CCDC40: variants seen among roughly 807,000 people sequenced by gnomAD.
CCDC40 encodes the protein coiled-coil domain 40 molecular ruler complex subunit, also known as coiled-coil domain-containing protein 40.
In CCDC40, 104 loss-of-function variants were observed where a neutral mutation model predicts 124.5. The observed-to-expected ratio is 0.84, with a 90% CI of 0.71 to 0.98. The LOEUF is 0.98. CCDC40 is among the 50% of genes least tolerant of loss of function. The pLI, the probability that CCDC40 is intolerant of heterozygous loss-of-function variation, is 0.00. For synonymous variants in CCDC40, 580 were observed against 602.9 expected, an observed-to-expected ratio of 0.96 and a Z score of 0.56; for missense variants, 1,463 against 1,503.9, an observed-to-expected ratio of 0.97 and a Z score of 0.45.
At position 80,099,982 on chromosome 17, in the gene CCDC40, C is replaced by T. The variant is rs1323278307; in HGVS notation, c.*207C>T. On this transcript the variant is annotated 3_prime_UTR_variant, in exon 20 of 20. Transcript: ENST00000397545. ...AACCAGGTAAAATCCTAGCGTTTCCCATGGCATCCCATCGCAAAGACAGAG... is the reference window on the plus strand; with the variant it reads ...AACCAGGTAAAATCCTAGCGTTTCCTATGGCATCCCATCGCAAAGACAGAG... 3 of 602,728 alleles carry T rather than the reference C, an allele frequency of 5.0e-6. No individual in the cohort carries two copies. The Admixed American group carries it at 8.7e-5, about 17-fold the overall frequency. The allele number at this position is 602,728 out of a possible 1,614,324, so 37.3% of individuals were successfully genotyped here. A position where few individuals can be genotyped will look rare whatever the true frequency, so the allele number is the denominator to read the frequency against.
At chr17:80,053,096 A>T (rs9944501) in intron 7 of CCDC40, among the ~76,000 whole-genome samples, 63,909 of 152,064 alleles carry the variant, frequency 0.42, 16,328 homozygotes, top group African/African-American at 0.73. Context: ...TCAGTGTCCG[A>T]AAGGGAGATT....
chr17:80,044,195 C>A (rs1270409472), intron 3 of CCDC40, among the ~76,000 whole-genome samples: 1 of 152,140 alleles, frequency 6.6e-6, no homozygotes, highest in Non-Finnish European at 1.5e-5. Context: ...CAAACGGTAG[C>A]TCTTGCTTCA....
intron 7 of CCDC40, among the ~76,000 whole-genome samples, chr17:80,057,989 A>G (rs2037795280): frequency 6.6e-6 from 1 of 152,092 alleles, no homozygotes; most frequent in East Asian, 1.9e-4. Context: ...TTGGGACAGG[A>G]TGGAAGCTGC....
intron 18 of CCDC40, among the ~76,000 whole-genome samples, chr17:80,095,911 CG>C (rs2038802669): frequency 6.6e-6 from 1 of 152,206 alleles, no homozygotes; most frequent in Non-Finnish European, 1.5e-5. Context: ...CTGATGGGAG[CG>C]GGGTGGGCGC....
rs529185928 is a variant in CCDC40 at position 80,092,622 on chromosome 17, T to A, written c.2833-2641T>A. Among the ~76,000 whole-genome samples, 3 of 152,258 alleles carry A rather than the reference T, an allele frequency of 2.0e-5. No homozygotes were observed. In the South Asian group the frequency reaches 6.2e-4, roughly 32 times the overall value. On this transcript the variant is annotated intron_variant, in intron 17 of 19. Transcript: ENST00000397545. ...AGCCCAATTACCCAGTCTGTTCTCTTTTTTTAGAGACAGGGTTTCGCTCTG... is the reference window on the plus strand; with the variant it reads ...AGCCCAATTACCCAGTCTGTTCTCTATTTTTAGAGACAGGGTTTCGCTCTG...
In CCDC40 at chr17:80,040,212, T is replaced by A. The variant is rs1329504741; in HGVS notation, c.494T>A (p.Val165Asp). 5.0e-6 allele frequency: 8 copies of A among 1,613,690 alleles called. No homozygotes were observed. Among genetic ancestry groups the A allele is most frequent in the Non-Finnish European group, 5.9e-6 (7 of 1,179,924 alleles). Residue 165 changes from valine (V) to aspartate (D), a missense_variant, in exon 3 of 20, where the codon GTC becomes GAC. By Grantham distance (152) the Val-to-Asp change is radical (BLOSUM62 -3). Coordinates refer to ENST00000397545, the MANE Select transcript of CCDC40 (RefSeq NM_017950.4). ...ACCTCCCCAGAGCCATCCCACGGAGTCTTAGGCCCGTCGGAGCAAATGGGC... is the reference window on the plus strand; with the variant it reads ...ACCTCCCCAGAGCCATCCCACGGAGACTTAGGCCCGTCGGAGCAAATGGGC... ...RVTSPEPSHG[V>D]LGPSEQMGQV...
At chr17:80,067,653 G>A in intron 10 of CCDC40, 1 of 1,536,108 alleles carries the variant, frequency 6.5e-7, no homozygotes, top group Non-Finnish European at 8.7e-7. Context: ...TGGCGGTGCT[G>A]CTGTAGATAA....
In CCDC40 at chr17:80,067,660, A is replaced by C. The variant is rs766719548; in HGVS notation, c.1562+2054A>C. ...GTCTGTTATGGCGGTGCTGCTGTAG[A>C]TAACCGGATCCGCGAATGCTAACGC... On this transcript the variant is annotated intron_variant, in intron 10 of 19. Coordinates refer to ENST00000397545, the MANE Select transcript of CCDC40 (RefSeq NM_017950.4). The C allele has an allele frequency of 2.0e-6, 3 of 1,535,966 alleles. No individual in the cohort carries two copies. In the African/African-American group the frequency reaches 4.1e-5, roughly 21 times the overall value.
intron 17 of CCDC40, among the ~76,000 whole-genome samples, chr17:80,093,463 G>A (rs561677764): frequency 5.3e-5 from 8 of 151,732 alleles, no homozygotes; most frequent in Non-Finnish European, 1.0e-4. Context: ...GATTACAGGT[G>A]TGAGCCACTG....
At chr17:80,067,622 G>GGCGTTC (rs1236506769) in intron 10 of CCDC40, 16 of 1,536,158 alleles carry the variant, frequency 1.0e-5, no homozygotes, top group Non-Finnish European at 1.3e-5. Flanking sequence ...GGGCATCGAG[G>GGCGTTC]GCGTTCGCGT....
intron 7 of CCDC40, among the ~76,000 whole-genome samples, chr17:80,055,849 G>A (rs943588941): frequency 6.7e-6 from 1 of 150,302 alleles, no homozygotes; most frequent in Non-Finnish European, 1.5e-5. Flanking sequence ...ACAGCGAGAC[G>A]CATCTTGCTC....
At chr17:80,047,198 C>A in intron 3 of CCDC40, 81 bp from the exon 4 acceptor site, 1 of 1,481,440 alleles carries the variant, frequency 6.8e-7, no homozygotes, top group Non-Finnish European at 9.4e-7. Flanking sequence ...ACAACTTTCA[C>A]AAATGTAATG....
chr17:80,082,143 G>T, intron 12 of CCDC40, 85 bp downstream of exon 12: 3 of 1,253,032 alleles, frequency 2.4e-6, no homozygotes, highest in Non-Finnish European at 3.5e-6. Flanking sequence ...GGCGGAGAGG[G>T]CGGAGTCAGT....
chr17:80,081,411 T>TAAATAAATAAATAAATAAGA (rs1198955225), intron 10 of CCDC40, 135 bp from the exon 11 acceptor site: 2 of 678,970 alleles, frequency 2.9e-6, no homozygotes, highest in East Asian at 5.3e-5. Context: ...AATAAATAAA[T>TAAATAAATAAATAAATAAGA]AAGAGTTGGC....
In CCDC40 at chr17:80,095,342, T is replaced by A. The variant is rs1320194512; in HGVS notation, c.2912T>A (p.Val971Asp). Residue 971 changes from valine to aspartate, a missense_variant, in exon 18 of 20, where the codon GTC becomes GAC. By Grantham distance (152) the Val-to-Asp change is radical. Coordinates refer to ENST00000397545, the MANE Select transcript of CCDC40 (RefSeq NM_017950.4). The stretch of plus-strand genomic sequence containing the variant: ...TTGGCGGTTGCCCGCAGAGAGACCG[T>A]CACCACCCAGGCCGAGGGGCAGCGC... ...MELAVARRET[V>D]TTQAEGQRKM... 6.2e-7 allele frequency: 1 copy of A among 1,613,920 alleles called. No individual in the cohort carries two copies. Among genetic ancestry groups the A allele is most frequent in the Admixed American group, 1.7e-5 (1 of 60,002 alleles).
chr17:80,071,031 G>A (rs1474786321), intron 10 of CCDC40, among the ~76,000 whole-genome samples: 1 of 152,220 alleles, frequency 6.6e-6, no homozygotes, highest in Non-Finnish European at 1.5e-5. Flanking sequence ...CAGCGGTCCA[G>A]GCAATCCAAC....
rs1187178866 is a variant in CCDC40 at position 80,038,200 on chromosome 17, T to A, written c.93+14T>A. 1 of 1,541,638 alleles carries A rather than the reference T, an allele frequency of 6.5e-7. No homozygotes were observed. The highest frequency in any genetic ancestry group is 9.0e-7 in the Non-Finnish European group (1 of 1,115,334). On this transcript the variant is annotated intron_variant, in intron 2 of 19. Coordinates refer to ENST00000397545, the MANE Select transcript of CCDC40 (RefSeq NM_017950.4). ...GAAAGCCACATGGTAAAATTCCCTA[T>A]GGGCAGTTATTCCGGGCTTATATTT...
Position 80,050,186 on chromosome 17 carries a change from G to A in CCDC40, c.1062G>A (p.Met354Ile), listed in dbSNP as rs752518237. Reference sequence around the variant, plus strand: ...AGAAGAGTCACGACCGCCACGCAATGGCCTCGAGCGAGCGCAGGCAGAAGG... The same window carrying A: ...AGAAGAGTCACGACCGCCACGCAATAGCCTCGAGCGAGCGCAGGCAGAAGG... ...LLEKSHDRHA[M>I]ASSERRQKEE... Residue 354 changes from methionine (M) to isoleucine (I), a missense_variant, in exon 7 of 20, where the codon ATG becomes ATA. By Grantham distance (10) the Met-to-Ile change is conservative. Coordinates refer to ENST00000397545, the MANE Select transcript of CCDC40 (RefSeq NM_017950.4). The A allele has an allele frequency of 1.1e-5, 17 of 1,612,586 alleles. No individual in the cohort carries two copies. Among genetic ancestry groups the A allele is most frequent in the Non-Finnish European group, 1.3e-5 (15 of 1,179,854 alleles).
intron 10 of CCDC40, among the ~76,000 whole-genome samples, chr17:80,068,799 G>T (rs555827887): frequency 1.7e-4 from 26 of 152,086 alleles, no homozygotes; most frequent in South Asian, 1.7e-3. Flanking sequence ...GAGTATAATA[G>T]CCCATTTATG....
Sources: allele counts gnomAD v4.1 joint callset (sites outside exome capture counted in the v4.1 genomes callset), GRCh38; gene constraint gnomAD v4.1.1; transcripts MANE v1.5; gene names NCBI Gene and HGNC (gene_info 2026-07-23, HGNC 2026-07-21).